The following SVIL variants were observed in gnomAD, a reference collection of about 807,000 sequenced individuals.
The protein encoded by SVIL is archvillin.
A neutral mutation model predicts 240.4 loss-of-function variants in SVIL; 101 were observed. That is an observed-to-expected ratio of 0.42 (90% CI 0.36 to 0.50). SVIL has a LOEUF of 0.50. SVIL is among the 20% of genes least tolerant of loss of function. The pLI is 0.01. For synonymous variants in SVIL, 999 were observed against 1,100.0 expected (o/e 0.91, Z 1.82); for missense variants, 2,512 against 2,818.7 (o/e 0.89, Z 2.46).
intron 2 of SVIL, among the ~76,000 whole-genome samples, chr10:29,685,099 A>G (rs1435953064): frequency 6.6e-6 from 1 of 152,058 alleles, no homozygotes; most frequent in South Asian, 2.1e-4. Flanking sequence ...AGGCCCCAGT[A>G]TCTGTTGTTC....
chr10:29,725,242 C>G (rs1964225567), intron 1 of SVIL, among the ~76,000 whole-genome samples: 1 of 151,932 alleles, frequency 6.6e-6, no homozygotes, highest in Non-Finnish European at 1.5e-5. Flanking sequence ...ATTCATCCTG[C>G]AGAGGACCGC....
At chr10:29,684,049 CA>C (rs958778391) in intron 2 of SVIL, among the ~76,000 whole-genome samples, 2 of 151,736 alleles carry the variant, frequency 1.3e-5, no homozygotes, top group Non-Finnish European at 2.9e-5. Context: ...AAAAGCCAAC[CA>C]CCCCCACCGA....
intron 6 of SVIL, chr10:29,545,241 C>A: frequency 2.6e-6 from 1 of 382,282 alleles, no homozygotes; most frequent in Admixed American, 3.0e-5. Flanking sequence ...CCAGCACAAG[C>A]CCCTTCCTTT....
At chr10:29,713,178 A>G (rs1422155448) in intron 1 of SVIL, among the ~76,000 whole-genome samples, 1 of 152,032 alleles carries the variant, frequency 6.6e-6, no homozygotes, top group Non-Finnish European at 1.5e-5. Context: ...TCCATCTCAA[A>G]AAAGAAAAAA....
chr10:29,542,434 G>A (rs1288480676), intron 6 of SVIL, among the ~76,000 whole-genome samples: 1 of 152,010 alleles, frequency 6.6e-6, no homozygotes, highest in Non-Finnish European at 1.5e-5. Context: ...TCACAGTGCC[G>A]TGTCTGGAAA....
intron 3 of SVIL, among the ~76,000 whole-genome samples, chr10:29,557,692 C>G (rs1228090769): frequency 1.3e-5 from 2 of 152,180 alleles, no homozygotes; most frequent in Non-Finnish European, 2.9e-5. Flanking sequence ...AAAGAAAGAT[C>G]TAGTTGGGAG....
intron 1 of SVIL, among the ~76,000 whole-genome samples, chr10:29,584,989 C>T (rs1254822064): frequency 2.0e-5 from 3 of 152,174 alleles, no homozygotes; most frequent in Admixed American, 2.0e-4. Flanking sequence ...GAAGCCTCGA[C>T]TTCGGGTTTG....
intron 12 of SVIL, among the ~76,000 whole-genome samples, chr10:29,527,720 C>T (rs3118812): frequency 0.084 from 11,918 of 142,572 alleles, 585 homozygotes; most frequent in Middle Eastern, 0.18. Context: ...CCACTGGGCC[C>T]AGCCTTTTTT....
At position 29,526,941 on chromosome 10, in the gene SVIL, C is replaced by G; in HGVS notation, c.2342+20G>C. The G allele has an allele frequency of 6.5e-7, 1 of 1,545,364 alleles. No individual in the cohort carries two copies. The highest frequency in any genetic ancestry group is 8.7e-7 in the Non-Finnish European group (1 of 1,152,634). On this transcript the variant is annotated intron_variant, in intron 13 of 37. Coordinates refer to ENST00000355867, the MANE Select transcript of SVIL (RefSeq NM_021738.3). ...GCACCTTTGCACCGGGTGCCGCATGCATCTGTATCTGTCCAGTACCTGGCA... is the reference window on the plus strand; with the variant it reads ...GCACCTTTGCACCGGGTGCCGCATGGATCTGTATCTGTCCAGTACCTGGCA...
rs370273873 is a variant in SVIL at position 29,653,506 on chromosome 10, T to C, written c.-201+4463A>G. 1.5e-4 allele frequency among the ~76,000 whole-genome samples: 23 copies of C among 152,360 alleles called. No individual in the cohort carries two copies. In the East Asian group the frequency reaches 1.5e-3, roughly 10 times the overall value. ...TTATAGCAATGCGAGAATGGACTAA[T>C]GCATAGCCCTTTTCACTTTCTTGAT... is the stretch of plus-strand genomic sequence containing the variant. On this transcript the variant is annotated intron_variant, in intron 3 of 35. Coordinates refer to the SVIL transcript ENST00000375400.
At chr10:29,533,811 T>A (rs1212198403) in intron 7 of SVIL, among the ~76,000 whole-genome samples, 1 of 152,200 alleles carries the variant, frequency 6.6e-6, no homozygotes, top group East Asian at 1.9e-4. Flanking sequence ...ATAATGAGCC[T>A]GGTCCCTTGA....
At chr10:29,583,658 G>A (rs1956041542) in intron 1 of SVIL, among the ~76,000 whole-genome samples, 1 of 152,166 alleles carries the variant, frequency 6.6e-6, no homozygotes, top group Non-Finnish European at 1.5e-5. Flanking sequence ...CAGGTCCCCA[G>A]CCCCTTGCTG....
At chr10:29,635,867 C>G (rs946741841), upstream of SVIL, among the ~76,000 whole-genome samples, 2 of 152,174 alleles carry the variant, frequency 1.3e-5, no homozygotes, top group African/African-American at 4.8e-5. Flanking sequence ...GTGTGCTGCG[C>G]GGGGCCTCCC....
intron 1 of SVIL, among the ~76,000 whole-genome samples, chr10:29,607,229 T>C (rs1589375504): frequency 6.6e-6 from 1 of 152,234 alleles, no homozygotes; most frequent in Non-Finnish European, 1.5e-5. Flanking sequence ...CATATATATC[T>C]GGGACTACTT....
chr10:29,629,009 A>G (rs1447161866), intron 1 of SVIL, among the ~76,000 whole-genome samples: 1 of 152,038 alleles, frequency 6.6e-6, no homozygotes, highest in Non-Finnish European at 1.5e-5. Flanking sequence ...GGGGACATCA[A>G]AGTAACCAGG....
In SVIL at chr10:29,533,362, C is replaced by A; in HGVS notation, c.1005G>T (p.Ala335=). Residue 335 remains alanine (A), a synonymous_variant, in exon 8 of 38, where the codon GCG becomes GCT. Transcript: ENST00000355867. ...ACTGAAATGACACGTAATGGACTGG[C>A]GCTGGCTGGTGTCTCCTCTGAGTTA... The part of the protein sequence containing the change: ...ESVTQRRHQP[A]PVHYVSFQSE... 1.2e-6 allele frequency: 2 copies of A among 1,614,140 alleles called. No homozygotes were observed. The highest frequency in any genetic ancestry group is 1.1e-5 in the South Asian group (1 of 91,080).
chr10:29,480,041 C>T (rs1452490868), intron 29 of SVIL, among the ~76,000 whole-genome samples: 2 of 152,200 alleles, frequency 1.3e-5, no homozygotes, highest in African/African-American at 4.8e-5. Flanking sequence ...CACAAAGCAC[C>T]ACCCGTGCTC....
chr10:29,651,886 T>C (rs1181267061), intron 3 of SVIL, among the ~76,000 whole-genome samples: 2 of 152,060 alleles, frequency 1.3e-5, no homozygotes, highest in East Asian at 3.9e-4. Context: ...GTCTTTCATC[T>C]CCTTCTGAGA....
chr10:29,696,927 C>A (rs1205075628), intron 1 of SVIL, among the ~76,000 whole-genome samples: 1 of 146,980 alleles, frequency 6.8e-6, no homozygotes, highest in Non-Finnish European at 1.5e-5. Context: ...CAGCCAGGAG[C>A]CCCTCTGCCC....
Sources: allele counts gnomAD v4.1 joint callset (sites outside exome capture counted in the v4.1 genomes callset), GRCh38; gene constraint gnomAD v4.1.1; transcripts MANE v1.5; gene names NCBI Gene and HGNC (gene_info 2026-07-23, HGNC 2026-07-21).